HCN1: variants seen among roughly 807,000 people sequenced by gnomAD.
HCN1 encodes the protein hyperpolarization activated cyclic nucleotide gated potassium channel 1.
A neutral mutation model predicts 78.9 loss-of-function variants in HCN1; 13 were observed. The observed-to-expected ratio is 0.16, with a 90% CI of 0.11 to 0.26. The LOEUF (loss-of-function observed/expected upper bound fraction) is 0.26. Among genes scored for constraint, HCN1 ranks in the 10% least tolerant of loss-of-function variants. HCN1 has a pLI of 1.00. For missense variants in HCN1, 810 were observed against 1,154.3 expected (o/e 0.70, Z 4.32); for synonymous variants, 552 against 455.5 (o/e 1.21, Z -2.70).
chr5:45,562,574 A>G (rs1743627163), intron 2 of HCN1, among the ~76,000 whole-genome samples: 1 of 152,166 alleles, frequency 6.6e-6, no homozygotes, highest in Admixed American at 6.6e-5. Flanking sequence ...ACACAGAAAG[A>G]CACATATACA....
At position 45,267,030 on chromosome 5, in the gene HCN1, A is replaced by G. The variant is rs1442632808; in HGVS notation, c.1783+59T>C. The G allele has an allele frequency of 2.1e-6, 3 of 1,435,484 alleles. No individual in the cohort carries two copies. The African/African-American group carries it at 4.2e-5, about 20-fold the overall frequency. The allele number at this position is 1,435,484 out of a possible 1,614,324, so 88.9% of individuals were successfully genotyped here. On this transcript the variant is annotated intron_variant, in intron 7 of 7. Coordinates refer to ENST00000303230, the MANE Select transcript of HCN1 (RefSeq NM_021072.4). ...CACTGCATTTGGGACTTATAATTGC[A>G]AACCTGTATTATGCCAGGAGATTAA...
At chr5:45,534,751 A>G (rs1742933627) in intron 2 of HCN1, among the ~76,000 whole-genome samples, 1 of 152,118 alleles carries the variant, frequency 6.6e-6, no homozygotes, top group Admixed American at 6.5e-5. Flanking sequence ...ATAATAGAAG[A>G]GCTAACCTGC....
At chr5:45,348,629 G>A (rs574364744) in intron 5 of HCN1, among the ~76,000 whole-genome samples, 16 of 152,280 alleles carry the variant, frequency 1.1e-4, no homozygotes, top group Admixed American at 2.0e-4. Context: ...CCCATCTCAT[G>A]TGCAGAGACA....
At chr5:45,281,390 TCTGAGGCC>T (rs926650887) in intron 6 of HCN1, among the ~76,000 whole-genome samples, 1 of 152,016 alleles carries the variant, frequency 6.6e-6, no homozygotes, top group Non-Finnish European at 1.5e-5. Flanking sequence ...TTGTAAGTTT[TCTGAGGCC>T]TCCCCAGCCA....
chr5:45,458,816 G>T (rs1355654924), intron 3 of HCN1, among the ~76,000 whole-genome samples: 1 of 152,058 alleles, frequency 6.6e-6, no homozygotes, highest in Non-Finnish European at 1.5e-5. Flanking sequence ...TCATTCAGTT[G>T]CTGTGAGGAC....
chr5:45,401,301 T>A (rs1739799157), intron 3 of HCN1, among the ~76,000 whole-genome samples: 1 of 152,184 alleles, frequency 6.6e-6, no homozygotes, highest in African/African-American at 2.4e-5. Context: ...GAGAAGGCGT[T>A]CATGTATTTA....
chr5:45,553,196 C>A (rs1314672329), intron 2 of HCN1, among the ~76,000 whole-genome samples: 4 of 151,910 alleles, frequency 2.6e-5, no homozygotes. Context: ...GGAACGGTGA[C>A]TGGGGTGGAC....
intron 4 of HCN1, among the ~76,000 whole-genome samples, chr5:45,374,274 A>ATATACATTATATACATTATATATATTG (rs1481710328): frequency 9.3e-5 from 9 of 97,226 alleles, no homozygotes; most frequent in South Asian, 3.0e-4. Context: ...CATATATATT[A>ATATACATTATATACATTATATATATTG]TATACATTAT....
intron 2 of HCN1, among the ~76,000 whole-genome samples, chr5:45,472,656 G>GA (rs201971887): frequency 1.4e-4 from 19 of 132,114 alleles, no homozygotes; most frequent in Admixed American, 6.2e-4. Flanking sequence ...AGAAAGGAGA[G>GA]GGGGGAGATC....
chr5:45,638,270 G>C (rs1399543053), intron 2 of HCN1, among the ~76,000 whole-genome samples: 1 of 152,130 alleles, frequency 6.6e-6, no homozygotes, highest in South Asian at 2.1e-4. Flanking sequence ...TGAGTCATGT[G>C]GACATTGAGG....
At chr5:45,480,632 A>G (rs1741629791) in intron 2 of HCN1, among the ~76,000 whole-genome samples, 2 of 152,186 alleles carry the variant, frequency 1.3e-5, no homozygotes, top group African/African-American at 4.8e-5. Flanking sequence ...TGAAATGGAA[A>G]TTAAAATAAC....
At chr5:45,571,368 G>A (rs1242999768) in intron 2 of HCN1, among the ~76,000 whole-genome samples, 1 of 152,116 alleles carries the variant, frequency 6.6e-6, no homozygotes, top group African/African-American at 2.4e-5. Flanking sequence ...GAGAATCAGA[G>A]AACACGCTGT....
At chr5:45,640,407 T>C (rs931951588) in intron 2 of HCN1, among the ~76,000 whole-genome samples, 3 of 152,110 alleles carry the variant, frequency 2.0e-5, no homozygotes, top group Non-Finnish European at 2.9e-5. Flanking sequence ...CCCTATGATA[T>C]CTATGTCTGG....
intron 1 of HCN1, among the ~76,000 whole-genome samples, chr5:45,680,999 G>A (rs917022845): frequency 6.6e-6 from 1 of 151,906 alleles, no homozygotes; most frequent in Admixed American, 6.6e-5. Context: ...TTAATATCTG[G>A]TATGTCAAGT....
At chr5:45,658,510 G>A (rs550764765) in intron 1 of HCN1, among the ~76,000 whole-genome samples, 244 of 152,314 alleles carry the variant, frequency 1.6e-3, no homozygotes, top group African/African-American at 5.6e-3. Context: ...CGATGAAGAA[G>A]ATGGGTGATT....
intron 2 of HCN1, among the ~76,000 whole-genome samples, chr5:45,522,412 TG>T: frequency 6.6e-6 from 1 of 152,120 alleles, no homozygotes; most frequent in East Asian, 1.9e-4. Flanking sequence ...TTCAAACCTG[TG>T]CAAAATGAAA....
chr5:45,345,764 C>T (rs1249511840), intron 5 of HCN1, among the ~76,000 whole-genome samples: 3 of 152,332 alleles, frequency 2.0e-5, no homozygotes, highest in South Asian at 4.1e-4. Context: ...AACTTTCCCA[C>T]ATTTTACTCT....
intron 6 of HCN1, among the ~76,000 whole-genome samples, chr5:45,297,879 G>A (rs1579788845): frequency 6.6e-6 from 1 of 151,728 alleles, no homozygotes; most frequent in Non-Finnish European, 1.5e-5. Context: ...ACTTGGCATA[G>A]AAAAACATAC....
intron 2 of HCN1, among the ~76,000 whole-genome samples, chr5:45,552,285 TG>T (rs1387428981): frequency 6.6e-6 from 1 of 151,944 alleles, no homozygotes; most frequent in Admixed American, 6.6e-5. Context: ...TTTCTCAAAC[TG>T]TGAATTTATA....
Sources: allele counts gnomAD v4.1 joint callset (sites outside exome capture counted in the v4.1 genomes callset), GRCh38; gene constraint gnomAD v4.1.1; transcripts MANE v1.5; gene names NCBI Gene and HGNC (gene_info 2026-07-23, HGNC 2026-07-21).